Variants in POLN observed in about 807,000 individuals in gnomAD.
POLN encodes DNA polymerase nu.
POLN carries 108 observed loss-of-function variants against 113.5 expected under a neutral mutation model. That is an observed-to-expected ratio of 0.95 (90% CI 0.81 to 1.12). The LOEUF (loss-of-function observed/expected upper bound fraction) is 1.12. Ranked by LOEUF, POLN falls within the 50% of genes most tolerant of loss-of-function variation. The pLI is 0.00. For missense variants in POLN, 1,097 were observed against 1,077.1 expected (o/e 1.02, Z -0.26); for synonymous variants, 386 against 391.5 (o/e 0.99, Z 0.17).
chr4:2,080,865 G>A (rs898619404), intron 23 of POLN, 93 bp downstream of exon 23: 35 of 1,604,030 alleles, frequency 2.2e-5, no homozygotes, highest in Non-Finnish European at 2.8e-5. Context: ...GATAAGCAGA[G>A]ATGGTGATCA....
chr4:2,107,202 T>G (rs1178448092), intron 19 of POLN, among the ~76,000 whole-genome samples: 1 of 152,184 alleles, frequency 6.6e-6, no homozygotes, highest in East Asian at 1.9e-4. Context: ...TTCTTCCAGG[T>G]CCTAGTTTTA....
chr4:2,235,767 G>A (rs1486939384), intron 2 of POLN, among the ~76,000 whole-genome samples: 1 of 152,132 alleles, frequency 6.6e-6, no homozygotes, highest in Non-Finnish European at 1.5e-5. Flanking sequence ...ATGTGTGTAT[G>A]TGTGTGCGTA....
intron 23 of POLN, chr4:2,080,255 G>C (rs1730374124): frequency 3.0e-6 from 3 of 987,978 alleles, no homozygotes; most frequent in Non-Finnish European, 3.6e-6. Flanking sequence ...GGCTGGGCGA[G>C]GGCTGCTTGT....
intron 7 of POLN, among the ~76,000 whole-genome samples, chr4:2,181,366 A>C (rs1733137088): frequency 6.6e-6 from 1 of 152,022 alleles, no homozygotes; most frequent in African/African-American, 2.4e-5. Flanking sequence ...GGCTGGTCTT[A>C]AACTCCTGAC....
chr4:2,215,073 A>G (rs1734080920), intron 3 of POLN, among the ~76,000 whole-genome samples: 1 of 152,204 alleles, frequency 6.6e-6, no homozygotes, highest in African/African-American at 2.4e-5. Context: ...ATGCAACAGT[A>G]AACAGGTTTA....
At chr4:2,240,229 G>A in intron 2 of POLN, 1 of 1,613,732 alleles carries the variant, frequency 6.2e-7, no homozygotes, top group South Asian at 1.1e-5. Flanking sequence ...ATATCTAAAA[G>A]TTGAAAATTG....
At chr4:2,102,017 C>T (rs1418588252) in intron 19 of POLN, among the ~76,000 whole-genome samples, 1 of 152,104 alleles carries the variant, frequency 6.6e-6, no homozygotes, top group Non-Finnish European at 1.5e-5. Context: ...GAGAGGGACA[C>T]AAGTTCCCCA....
rs757015253 is a variant in POLN at position 2,131,288 on chromosome 4, A to G, written c.1734T>C (p.Asn578=). Residue 578 remains asparagine (N), a splice_region_variant and synonymous_variant, in exon 17 of 26, where the codon AAT becomes AAC. Coordinates refer to ENST00000511885, the MANE Select transcript of POLN (RefSeq NM_181808.4). ...VTGRLSAKHP[N]IQGISKHPIQ... ...TTGGGTGCTTGGAGATACCTTGGAT[A>G]TTCTGTTAATAATAAGAGACTAGCT... 1 of 1,574,218 alleles carries G rather than the reference A, an allele frequency of 6.4e-7. No individual in the cohort carries two copies. The highest frequency in any genetic ancestry group is 8.7e-7 in the Non-Finnish European group (1 of 1,145,146).
intron 19 of POLN, among the ~76,000 whole-genome samples, chr4:2,111,755 G>C (rs916874895): frequency 6.6e-6 from 1 of 152,196 alleles, no homozygotes; most frequent in African/African-American, 2.4e-5. Context: ...ACAAACAAAT[G>C]GAAGAACATT....
chr4:2,241,892 C>CA, intron 1 of POLN, 102 bp from the exon 2 acceptor site: 1 of 985,510 alleles, frequency 1.0e-6, no homozygotes, highest in South Asian at 4.7e-5. Context: ...GCTCCTCGCC[C>CA]AGCGGACCGG....
intron 16 of POLN, among the ~76,000 whole-genome samples, chr4:2,147,648 T>TG (rs1561039596): frequency 1.4e-5 from 2 of 142,742 alleles, no homozygotes; most frequent in Non-Finnish European, 3.1e-5. Flanking sequence ...CTTTTCTTTT[T>TG]TTTTTTTTTT....
chr4:2,140,194 C>T (rs149182369), intron 16 of POLN, among the ~76,000 whole-genome samples: 177 of 152,242 alleles, frequency 1.2e-3, no homozygotes, highest in African/African-American at 3.9e-3. Flanking sequence ...TGTCCTGCCT[C>T]GGTCTCCTGA....
intron 9 of POLN, among the ~76,000 whole-genome samples, chr4:2,175,600 G>A (rs952575015): frequency 2.0e-5 from 3 of 152,154 alleles, no homozygotes; most frequent in Non-Finnish European, 4.4e-5. Context: ...TTCTTCATGA[G>A]TCTCATTGTT....
rs1358737203 is a variant in POLN at position 2,157,919 on chromosome 4, G to A, written c.1612-8C>T. 3 of 1,596,914 alleles carry A rather than the reference G, an allele frequency of 1.9e-6. No individual in the cohort carries two copies. The highest frequency in any genetic ancestry group is 2.7e-5 in the African/African-American group (2 of 74,390). On this transcript the variant is annotated splice_region_variant and splice_polypyrimidine_tract_variant and intron_variant, in intron 14 of 25. Transcript: ENST00000511885. ...TGACTTGATCTTGTGAACCTAAGGTGGAAAGACAAGAATAATCATTTTCTT... is the reference window on the plus strand; with the variant it reads ...TGACTTGATCTTGTGAACCTAAGGTAGAAAGACAAGAATAATCATTTTCTT...
At chr4:2,172,015 A>G (rs960938265) in intron 11 of POLN, among the ~76,000 whole-genome samples, 1 of 152,226 alleles carries the variant, frequency 6.6e-6, no homozygotes, top group African/African-American at 2.4e-5. Context: ...GATATCCTAT[A>G]CATCAGTAAG....
intron 13 of POLN, among the ~76,000 whole-genome samples, chr4:2,163,051 A>AAAAAAAAAT (rs1732639892): frequency 7.4e-6 from 1 of 134,750 alleles, no homozygotes; most frequent in African/African-American, 2.6e-5. Context: ...AAAAAAAAAA[A>AAAAAAAAAT]CTCCTGCCAG....
At chr4:2,182,488 C>T (rs1331161836) in intron 7 of POLN, among the ~76,000 whole-genome samples, 1 of 152,142 alleles carries the variant, frequency 6.6e-6, no homozygotes, top group African/African-American at 2.4e-5. Flanking sequence ...GGGAGAGTCA[C>T]AGAATGGATT....
intron 2 of POLN, chr4:2,240,769 C>T (rs748146075): frequency 1.2e-6 from 2 of 1,613,820 alleles, no homozygotes; most frequent in East Asian, 2.2e-5. Flanking sequence ...ATGCTAAAAG[C>T]TTCCAATTCT....
chr4:2,199,709 T>C (rs1577764965), intron 5 of POLN, among the ~76,000 whole-genome samples: 1 of 152,312 alleles, frequency 6.6e-6, no homozygotes, highest in Admixed American at 6.5e-5. Flanking sequence ...CCAGAGTAGC[T>C]GGGACTACAG....
Sources: gnomAD v4.1 joint callset for allele counts (sites outside exome capture counted in the v4.1 genomes callset) on GRCh38, gnomAD v4.1.1 for gene constraint, MANE v1.5 for transcripts, NCBI Gene and HGNC (gene_info 2026-07-23, HGNC 2026-07-21) for gene names.